Variants in SPIDR observed in about 807,000 individuals in gnomAD.
The protein encoded by SPIDR is DNA repair-scaffolding protein.
SPIDR carries 93 observed loss-of-function variants against 104.6 expected under a neutral mutation model. The observed-to-expected ratio is 0.89, with a 90% CI of 0.75 to 1.06. SPIDR has a LOEUF of 1.06. Ranked by LOEUF, SPIDR falls within the 50% of genes least tolerant of loss-of-function variation. SPIDR has a pLI of 0.00. For synonymous variants in SPIDR, 431 were observed against 416.9 expected, an observed-to-expected ratio of 1.03 and a Z score of -0.41; for missense variants, 1,154 against 1,111.2, an observed-to-expected ratio of 1.04 and a Z score of -0.55.
At chr8:47,487,598 G>T (rs1168686828) in intron 8 of SPIDR, among the ~76,000 whole-genome samples, 3 of 152,118 alleles carry the variant, frequency 2.0e-5, no homozygotes, top group African/African-American at 7.2e-5. Context: ...TGACCACATA[G>T]TTGGAAGTAA....
rs781913320 is a variant in SPIDR at position 47,369,987 on chromosome 8, CT to C, written c.526-26377del. ...CCTTTAACACAATGTAAAGAAATCT[CT>C]TTTTTTTTTTTCATCTTCCATTTTC... On this transcript the variant is annotated intron_variant, in intron 5 of 19. Transcript: ENST00000297423. 3.7e-3 allele frequency among the ~76,000 whole-genome samples: 537 copies of C among 143,718 alleles called. 2 individuals carry two copies. Among genetic ancestry groups the C allele is most frequent in the African/African-American group, 0.011 (419 of 39,376 alleles). The allele number at this position is 143,718 out of a possible 152,430, so 94.3% of individuals were successfully genotyped here. A position where few individuals can be genotyped will look rare whatever the true frequency, so the allele number is the denominator to read the frequency against.
intron 5 of SPIDR, among the ~76,000 whole-genome samples, chr8:47,298,840 T>A (rs1357173852): frequency 1.3e-5 from 2 of 152,160 alleles, no homozygotes; most frequent in African/African-American, 4.8e-5. Context: ...AGTACCATGG[T>A]GTTTTGGTTA....
intron 8 of SPIDR, 30 bp from the exon 9 acceptor site, chr8:47,595,780 AG>A: frequency 6.2e-7 from 1 of 1,605,760 alleles, no homozygotes; most frequent in Non-Finnish European, 8.5e-7. Context: ...AATATTGCAA[AG>A]AAACTGTTGC....
At chr8:47,310,898 G>A (rs2044032731) in intron 5 of SPIDR, among the ~76,000 whole-genome samples, 1 of 152,036 alleles carries the variant, frequency 6.6e-6, no homozygotes, top group African/African-American at 2.4e-5. Flanking sequence ...TTCTAAAAAT[G>A]TACTATGCAC....
chr8:47,397,961 C>T (rs569805106), intron 6 of SPIDR, among the ~76,000 whole-genome samples: 7 of 152,198 alleles, frequency 4.6e-5, no homozygotes, highest in Admixed American at 3.9e-4. Context: ...AGGAGAGCCC[C>T]AGCTTGAAGA....
chr8:47,388,737 G>C (rs985313888), intron 5 of SPIDR, among the ~76,000 whole-genome samples: 10 of 152,292 alleles, frequency 6.6e-5, no homozygotes, highest in African/African-American at 2.2e-4. Flanking sequence ...GAGGTTGAAG[G>C]GTTTCCTTCT....
At chr8:47,719,716 A>G (rs936319404) in intron 16 of SPIDR, among the ~76,000 whole-genome samples, 1 of 152,038 alleles carries the variant, frequency 6.6e-6, no homozygotes, top group African/African-American at 2.4e-5. Context: ...CAGAGTCTCA[A>G]TGCTCCTCAC....
intron 5 of SPIDR, among the ~76,000 whole-genome samples, chr8:47,310,846 A>G (rs118178678): frequency 3.0e-4 from 46 of 152,370 alleles, no homozygotes; most frequent in Non-Finnish European, 5.4e-4. Flanking sequence ...TAAGCAAAAA[A>G]AAACTAAATA....
intron 10 of SPIDR, among the ~76,000 whole-genome samples, chr8:47,632,396 G>A (rs780523030): frequency 6.6e-6 from 1 of 152,034 alleles, no homozygotes; most frequent in Non-Finnish European, 1.5e-5. Flanking sequence ...CCCATCTTGT[G>A]CATAAAATAA....
At chr8:47,691,930 G>A (rs894226221) in intron 11 of SPIDR, among the ~76,000 whole-genome samples, 1 of 152,240 alleles carries the variant, frequency 6.6e-6, no homozygotes, top group Admixed American at 6.5e-5. Context: ...CAGCTTTCCA[G>A]TGAAGATAGC....
chr8:47,395,696 A>G (rs1161131368), intron 5 of SPIDR, among the ~76,000 whole-genome samples: 3 of 152,130 alleles, frequency 2.0e-5, no homozygotes, highest in Admixed American at 6.6e-5. Flanking sequence ...GCCATACGAT[A>G]TGAATTCTTG....
intron 7 of SPIDR, among the ~76,000 whole-genome samples, chr8:47,423,057 G>C (rs1408265214): frequency 2.0e-5 from 3 of 152,128 alleles, no homozygotes; most frequent in Admixed American, 2.0e-4. Context: ...TATAATCCCA[G>C]CAATTTGGGA....
intron 11 of SPIDR, among the ~76,000 whole-genome samples, chr8:47,685,159 C>A (rs547695394): frequency 1.3e-5 from 2 of 152,198 alleles, no homozygotes; most frequent in Admixed American, 1.3e-4. Context: ...TTGCAGTGAG[C>A]CAATCATGCC....
intron 7 of SPIDR, among the ~76,000 whole-genome samples, chr8:47,416,046 C>T (rs1296886624): frequency 6.6e-6 from 1 of 152,208 alleles, no homozygotes; most frequent in African/African-American, 2.4e-5. Flanking sequence ...GAGTTTGAGA[C>T]CAGCCTGGCC....
chr8:47,612,924 C>A (rs1414601685), intron 10 of SPIDR, among the ~76,000 whole-genome samples: 1 of 152,238 alleles, frequency 6.6e-6, no homozygotes, highest in Non-Finnish European at 1.5e-5. Flanking sequence ...TGCTATGCGG[C>A]AGGCTCCCTG....
intron 8 of SPIDR, among the ~76,000 whole-genome samples, chr8:47,466,900 AATAT>A (rs1554717438): frequency 7.0e-5 from 8 of 114,368 alleles, no homozygotes; most frequent in Admixed American, 1.9e-4. Flanking sequence ...AAAAAAAAAA[AATAT>A]ATATATATAT....
chr8:47,556,583 G>T (rs561598735), intron 8 of SPIDR, among the ~76,000 whole-genome samples: 1 of 152,244 alleles, frequency 6.6e-6, no homozygotes, highest in South Asian at 2.1e-4. Flanking sequence ...AGCTTAGTAA[G>T]TTTATTTTCT....
At chr8:47,308,169 C>A (rs370688976) in intron 5 of SPIDR, among the ~76,000 whole-genome samples, 1 of 151,896 alleles carries the variant, frequency 6.6e-6, no homozygotes, top group Non-Finnish European at 1.5e-5. Flanking sequence ...TCAGCCGATT[C>A]TCCTGCCTCA....
At chr8:47,400,147 A>C (rs993342930) in intron 6 of SPIDR, among the ~76,000 whole-genome samples, 4 of 152,206 alleles carry the variant, frequency 2.6e-5, no homozygotes, top group Admixed American at 1.3e-4. Flanking sequence ...ATGGTCTTGA[A>C]GCTGCAGTGA....
Sources: gnomAD v4.1 joint callset for allele counts (sites outside exome capture counted in the v4.1 genomes callset) on GRCh38, gnomAD v4.1.1 for gene constraint, MANE v1.5 for transcripts, NCBI Gene and HGNC (gene_info 2026-07-23, HGNC 2026-07-21) for gene names.